Variants in TCF12 observed in about 807,000 individuals in gnomAD.
The protein encoded by TCF12 is transcription factor 12.
TCF12 carries 45 observed loss-of-function variants against 86.0 expected under a neutral mutation model. The observed-to-expected ratio is 0.52, with a 90% CI of 0.41 to 0.67. TCF12 has a LOEUF of 0.67. Among genes scored for constraint, TCF12 ranks in the 30% least tolerant of loss-of-function variants. The pLI is 0.00. For synonymous variants in TCF12, 330 were observed against 299.6 expected (o/e 1.10, Z -1.05); for missense variants, 881 against 859.9 (o/e 1.02, Z -0.31).
chr15:57,127,222 A>T (rs2151322486), intron 5 of TCF12, among the ~76,000 whole-genome samples: 1 of 152,114 alleles, frequency 6.6e-6, no homozygotes, highest in East Asian at 1.9e-4. Flanking sequence ...ACCTTAGGTG[A>T]TCCATTCATC....
At chr15:57,045,249 AGT>A (rs1227205524) in intron 3 of TCF12, among the ~76,000 whole-genome samples, 1 of 152,192 alleles carries the variant, frequency 6.6e-6, no homozygotes, top group Admixed American at 6.5e-5. Flanking sequence ...GGGGCAAAAA[AGT>A]GTGTGGCATT....
At chr15:57,240,427 C>T (rs1364594021) in intron 12 of TCF12, among the ~76,000 whole-genome samples, 2 of 152,158 alleles carry the variant, frequency 1.3e-5, no homozygotes, top group African/African-American at 2.4e-5. Flanking sequence ...ATAGAACTGA[C>T]GATTTCTCAC....
At chr15:57,065,807 CTTAGT>C (rs1167732898) in intron 4 of TCF12, among the ~76,000 whole-genome samples, 1 of 151,938 alleles carries the variant, frequency 6.6e-6, no homozygotes, top group Non-Finnish European at 1.5e-5. Flanking sequence ...CTGTATTTTA[CTTAGT>C]TTATTTATTT....
chr15:56,976,130 A>T (rs1381538447), intron 3 of TCF12, among the ~76,000 whole-genome samples: 1 of 151,978 alleles, frequency 6.6e-6, no homozygotes, highest in Non-Finnish European at 1.5e-5. Flanking sequence ...TTTTTTTTAA[A>T]GTGGAAAATG....
chr15:56,938,275 C>G (rs1332956912), intron 3 of TCF12, among the ~76,000 whole-genome samples: 1 of 151,830 alleles, frequency 6.6e-6, no homozygotes, highest in Non-Finnish European at 1.5e-5. Flanking sequence ...ATTGTCTTGC[C>G]TCAGCCTCCC....
intron 3 of TCF12, among the ~76,000 whole-genome samples, chr15:56,997,018 T>C (rs982449221): frequency 2.0e-5 from 3 of 152,182 alleles, no homozygotes; most frequent in Non-Finnish European, 4.4e-5. Context: ...ATAACACTAT[T>C]GGTGGGAGTG....
chr15:57,269,855 C>G (rs1269721692), intron 18 of TCF12, among the ~76,000 whole-genome samples: 2 of 152,242 alleles, frequency 1.3e-5, no homozygotes, highest in Non-Finnish European at 1.5e-5. Context: ...GTTGAAAATT[C>G]TTTTCTTTAA....
rs938473304 is a variant in TCF12 at position 57,232,555 on chromosome 15, C to G, written c.825+125C>G. On this transcript the variant is annotated intron_variant, in intron 10 of 20. Coordinates refer to ENST00000333725, the MANE Select transcript of TCF12 (RefSeq NM_207037.2). ...AAGTTTGAAGTACTTCAAGGCTTAC[C>G]GCGTTTACCATGCCTTTCTAAAAAA... 6.1e-6 allele frequency: 9 copies of G among 1,463,450 alleles called. No homozygotes were observed. In the African/African-American group the frequency reaches 8.6e-5, roughly 14 times the overall value. 90.7% of individuals were successfully genotyped at this position (1,463,450 alleles called of 1,614,324 possible).
chr15:57,156,779 T>A (rs2151486093), intron 5 of TCF12, among the ~76,000 whole-genome samples: 1 of 152,290 alleles, frequency 6.6e-6, no homozygotes, highest in East Asian at 1.9e-4. Flanking sequence ...TGACCTTGCC[T>A]GGTAAGGTCA....
intron 16 of TCF12, among the ~76,000 whole-genome samples, chr15:57,254,302 ATTCTG>A (rs2060247539): frequency 6.6e-6 from 1 of 152,206 alleles, no homozygotes. Context: ...GAAGGCTTGT[ATTCTG>A]TAAGATAGGG....
Position 57,234,108 on chromosome 15 carries a change from G to A in TCF12, c.1035+1G>A. On this transcript the variant is annotated splice_donor_variant, in intron 12 of 20. Coordinates refer to ENST00000333725, the MANE Select transcript of TCF12 (RefSeq NM_207037.2). LOFTEE classifies it high-confidence loss of function. ...TGCACTTGGAAAGGCTTTGGCATCT[G>A]TGAGTATTGATTTTACACATTCTAC... 1 of 1,612,618 alleles carries A rather than the reference G, an allele frequency of 6.2e-7. No homozygotes were observed. The highest frequency in any genetic ancestry group is 1.1e-5 in the South Asian group (1 of 91,060).
chr15:56,989,470 G>A (rs763912357), intron 3 of TCF12, among the ~76,000 whole-genome samples: 4 of 152,180 alleles, frequency 2.6e-5, no homozygotes, highest in Non-Finnish European at 5.9e-5. Flanking sequence ...GCAGCTGGGT[G>A]GATTTAGAAA....
chr15:57,026,364 G>C (rs1279272326), intron 3 of TCF12, among the ~76,000 whole-genome samples: 2 of 152,156 alleles, frequency 1.3e-5, no homozygotes, highest in Non-Finnish European at 2.9e-5. Flanking sequence ...GAGAATATGG[G>C]TTTCAGCAGT....
At chr15:57,247,758 G>A (rs1303519897) in intron 13 of TCF12, 2 of 738,868 alleles carry the variant, frequency 2.7e-6, no homozygotes, top group Non-Finnish European at 4.9e-6. Context: ...TCAGCCTTGT[G>A]TGGTCTAGCA....
At chr15:56,970,485 A>G (rs1234456684) in intron 3 of TCF12, among the ~76,000 whole-genome samples, 3 of 147,122 alleles carry the variant, frequency 2.0e-5, no homozygotes, top group African/African-American at 5.3e-5. Context: ...ATCTCAAAAA[A>G]AAAAAAAAAA....
intron 3 of TCF12, among the ~76,000 whole-genome samples, chr15:57,060,679 A>C (rs774988237): frequency 5.3e-5 from 8 of 152,258 alleles, no homozygotes; most frequent in Non-Finnish European, 8.8e-5. Flanking sequence ...TAATTCAGAA[A>C]TAACAGGAAA....
At chr15:57,201,592 G>A (rs1346117257) in intron 8 of TCF12, among the ~76,000 whole-genome samples, 1 of 151,822 alleles carries the variant, frequency 6.6e-6, no homozygotes, top group Non-Finnish European at 1.5e-5. Context: ...ATTGAGTGGG[G>A]GCACACATAA....
intron 12 of TCF12, among the ~76,000 whole-genome samples, chr15:57,237,368 G>T (rs1003066624): frequency 6.6e-6 from 1 of 152,158 alleles, no homozygotes; most frequent in Non-Finnish European, 1.5e-5. Flanking sequence ...CAGTTCCGGG[G>T]TTGGGCTTGG....
At chr15:57,012,095 T>G (rs1205812166) in intron 3 of TCF12, among the ~76,000 whole-genome samples, 1 of 152,114 alleles carries the variant, frequency 6.6e-6, no homozygotes, top group Non-Finnish European at 1.5e-5. Context: ...AATAGGAGAG[T>G]ATCTTTCTGG....
Sources: allele counts gnomAD v4.1 joint callset (sites outside exome capture counted in the v4.1 genomes callset), GRCh38; gene constraint gnomAD v4.1.1; transcripts MANE v1.5; gene names NCBI Gene and HGNC (gene_info 2026-07-23, HGNC 2026-07-21).